The following LMO7 variants were observed in gnomAD, a reference collection of about 807,000 sequenced individuals.
LMO7 encodes the protein LIM domain 7.
A neutral mutation model predicts 206.5 loss-of-function variants in LMO7; 120 were observed. The observed-to-expected ratio is 0.58, with a 90% CI of 0.50 to 0.68. The LOEUF (loss-of-function observed/expected upper bound fraction) is 0.68. Ranked by LOEUF, LMO7 falls within the 30% of genes least tolerant of loss-of-function variation. LMO7 has a pLI of 0.00. For synonymous variants in LMO7, 706 were observed against 681.5 expected, an observed-to-expected ratio of 1.04 and a Z score of -0.56; for missense variants, 1,959 against 1,957.9, an observed-to-expected ratio of 1.00 and a Z score of -0.01.
intron 3 of LMO7, among the ~76,000 whole-genome samples, chr13:75,749,497 A>G (rs1400205126): frequency 2.0e-5 from 3 of 152,334 alleles, no homozygotes; most frequent in Non-Finnish European, 2.9e-5. Context: ...AGTTTGCCAC[A>G]GCCTGTTACT....
At chr13:75,682,689 A>G (rs1449251911) in intron 1 of LMO7, among the ~76,000 whole-genome samples, 2 of 152,168 alleles carry the variant, frequency 1.3e-5, no homozygotes, top group Non-Finnish European at 2.9e-5. Flanking sequence ...TCCAGTCATT[A>G]TGGGATGTAT....
chr13:75,796,904 A>T (rs1402952503), intron 6 of LMO7, among the ~76,000 whole-genome samples, 155 bp downstream of exon 6: 1 of 152,154 alleles, frequency 6.6e-6, no homozygotes, highest in Non-Finnish European at 1.5e-5. Flanking sequence ...GTAAAGAGGA[A>T]TGTTACTCAT....
At chr13:75,737,842 C>CAAAAAAAAAAAAA (rs768622923) in intron 3 of LMO7, among the ~76,000 whole-genome samples, 1 of 37,740 alleles carries the variant, frequency 2.6e-5, no homozygotes, top group African/African-American at 1.2e-4. Flanking sequence ...AGGAAGCTGC[C>CAAAAAAAAAAAAA]AAAAAAAAAA....
chr13:75,846,182 G>A (rs1169512864), intron 26 of LMO7, among the ~76,000 whole-genome samples: 1 of 152,010 alleles, frequency 6.6e-6, no homozygotes, highest in Non-Finnish European at 1.5e-5. Flanking sequence ...AAAATGCCCT[G>A]TGAGCAAAAC....
intron 27 of LMO7, among the ~76,000 whole-genome samples, chr13:75,852,721 C>T (rs1029464817): frequency 2.0e-5 from 3 of 152,114 alleles, no homozygotes; most frequent in Admixed American, 6.5e-5. Flanking sequence ...ACTTCCAGTA[C>T]GGTATTCAGT....
chr13:75,689,364 G>A (rs899771263), intron 1 of LMO7, among the ~76,000 whole-genome samples: 3 of 152,188 alleles, frequency 2.0e-5, no homozygotes, highest in African/African-American at 7.2e-5. Flanking sequence ...TCCTGGGTAG[G>A]ATTTCCAGGA....
At chr13:75,707,844 A>G (rs951147627) in intron 1 of LMO7, among the ~76,000 whole-genome samples, 2 of 152,006 alleles carry the variant, frequency 1.3e-5, no homozygotes, top group Middle Eastern at 3.4e-3. Flanking sequence ...GAGTACATCA[A>G]TATTTAGATA....
At chr13:75,789,666 A>T (rs1489699051) in intron 4 of LMO7, among the ~76,000 whole-genome samples, 2 of 152,158 alleles carry the variant, frequency 1.3e-5, no homozygotes, top group Non-Finnish European at 2.9e-5. Flanking sequence ...CTGGGCCCAC[A>T]CGCAGACTCC....
intron 1 of LMO7, among the ~76,000 whole-genome samples, chr13:75,648,528 C>T (rs545268311): frequency 1.0e-3 from 152 of 152,322 alleles, no homozygotes; most frequent in Non-Finnish European, 1.7e-3. Context: ...ATGTACACAT[C>T]CTGTTGTGCT....
intron 1 of LMO7, among the ~76,000 whole-genome samples, chr13:75,672,719 A>G (rs563948948): frequency 6.6e-6 from 1 of 152,306 alleles, no homozygotes; most frequent in East Asian, 1.9e-4. Context: ...CCTCACATGA[A>G]AAGTTCTGTT....
At chr13:75,808,731 G>T (rs906499851) in intron 10 of LMO7, among the ~76,000 whole-genome samples, 2 of 152,136 alleles carry the variant, frequency 1.3e-5, no homozygotes, top group Admixed American at 6.5e-5. Context: ...TGCATGAATG[G>T]TATTTGTTGT....
chr13:75,703,903 A>G (rs192389509), intron 1 of LMO7, among the ~76,000 whole-genome samples: 6 of 152,320 alleles, frequency 3.9e-5, no homozygotes, highest in Non-Finnish European at 4.4e-5. Flanking sequence ...TAATGTGTTT[A>G]TGGTAAGCCA....
At chr13:75,678,455 T>C (rs1031765313) in intron 1 of LMO7, among the ~76,000 whole-genome samples, 4 of 152,232 alleles carry the variant, frequency 2.6e-5, no homozygotes, top group African/African-American at 9.6e-5. Flanking sequence ...AAGTGTCTGT[T>C]CATATCCTTC....
At chr13:75,776,248 C>T (rs1222180072) in intron 4 of LMO7, among the ~76,000 whole-genome samples, 1 of 126,938 alleles carries the variant, frequency 7.9e-6, no homozygotes, top group Non-Finnish European at 1.6e-5. Flanking sequence ...GGCCACAAGT[C>T]TTTTTGAAGT....
At position 75,796,702 on chromosome 13, in the gene LMO7, C is replaced by T. The variant is rs545441191; in HGVS notation, c.415C>T (p.Leu139Phe). 153 of 1,613,460 alleles carry T rather than the reference C, an allele frequency of 9.5e-5. 1 individual carries two copies. The South Asian group carries it at 1.6e-3, about 17-fold the overall frequency. The change falls in exon 6 of 31, where the codon CTT becomes TTT. Residue 139 changes from leucine to phenylalanine, a missense_variant. Transcript: ENST00000377534. Reference protein sequence around the residue: ...QSNPYYNGPHLNLKAFENLLG... With the variant: ...QSNPYYNGPHFNLKAFENLLG... ...CAACCCGTACTATAATGGTCCCCATCTTAATTTGAAAGCGTTTGAGAATCT... is the reference window on the plus strand; with the variant it reads ...CAACCCGTACTATAATGGTCCCCATTTTAATTTGAAAGCGTTTGAGAATCT...
At chr13:75,846,562 C>A (rs566404756) in intron 26 of LMO7, among the ~76,000 whole-genome samples, 1 of 152,248 alleles carries the variant, frequency 6.6e-6, no homozygotes, top group Middle Eastern at 3.4e-3. Context: ...ATATTTTTAA[C>A]CTGCAGCGAT....
At chr13:75,642,065 G>A (rs1388041052) in intron 1 of LMO7, among the ~76,000 whole-genome samples, 2 of 152,172 alleles carry the variant, frequency 1.3e-5, no homozygotes, top group Non-Finnish European at 2.9e-5. Context: ...AGAGATGAGG[G>A]AATTAATGAA....
At chr13:75,806,796 A>G (rs1415065407) in intron 9 of LMO7, 1 of 152,318 alleles carries the variant, frequency 6.6e-6, no homozygotes, top group Non-Finnish European at 1.5e-5. Context: ...TTCAGGGGAC[A>G]CTTAGGCCAC....
chr13:75,792,332 A>G (rs1468632225), intron 4 of LMO7, among the ~76,000 whole-genome samples: 1 of 152,152 alleles, frequency 6.6e-6, no homozygotes, highest in Non-Finnish European at 1.5e-5. Flanking sequence ...AACAGAGGGC[A>G]TTATCCCTAC....
Sources: allele counts gnomAD v4.1 joint callset (sites outside exome capture counted in the v4.1 genomes callset), GRCh38; gene constraint gnomAD v4.1.1; transcripts MANE v1.5; gene names NCBI Gene and HGNC (gene_info 2026-07-23, HGNC 2026-07-21).